The following NRROS variants were observed in gnomAD, a reference collection of about 807,000 sequenced individuals.
The protein encoded by NRROS is transforming growth factor beta activator LRRC33.
A neutral mutation model predicts 12.0 loss-of-function variants in NRROS; 6 were observed. That is an observed-to-expected ratio of 0.50 (90% confidence interval 0.27 to 0.98). The LOEUF is 0.98. Ranked by LOEUF, NRROS falls within the 50% of genes least tolerant of loss-of-function variation. The pLI is 0.11. For missense variants in NRROS, 857 were observed against 888.2 expected, an observed-to-expected ratio of 0.96 and a Z score of 0.45; for synonymous variants, 462 against 410.2, an observed-to-expected ratio of 1.13 and a Z score of -1.53.
At chr3:196,656,355 T>C (rs1342580347) in intron 2 of NRROS, among the ~76,000 whole-genome samples, 2 of 152,190 alleles carry the variant, frequency 1.3e-5, no homozygotes, top group African/African-American at 4.8e-5. Context: ...CTAGAGTCTA[T>C]TCCAATATGA....
intron 1 of NRROS, among the ~76,000 whole-genome samples, chr3:196,649,620 C>T (rs372034645): frequency 2.6e-4 from 40 of 152,166 alleles, no homozygotes; most frequent in African/African-American, 7.2e-4. Context: ...TACAGGCGCC[C>T]GCCACCGCGC....
At chr3:196,653,213 C>T in intron 1 of NRROS, among the ~76,000 whole-genome samples, 1 of 152,132 alleles carries the variant, frequency 6.6e-6, no homozygotes, top group Non-Finnish European at 1.5e-5. Flanking sequence ...CAGTGTCTGG[C>T]AAGTTCTGGT....
chr3:196,651,073 G>C (rs529471147), intron 1 of NRROS, among the ~76,000 whole-genome samples: 1 of 152,216 alleles, frequency 6.6e-6, no homozygotes, highest in African/African-American at 2.4e-5. Context: ...TCCTGTGCAT[G>C]CAGGGGATGA....
At chr3:196,652,184 A>G (rs1392225566) in intron 1 of NRROS, among the ~76,000 whole-genome samples, 1 of 152,194 alleles carries the variant, frequency 6.6e-6, no homozygotes, top group African/African-American at 2.4e-5. Flanking sequence ...TATGTTTTAC[A>G]TATCTAGTTG....
intron 2 of NRROS, among the ~76,000 whole-genome samples, chr3:196,656,226 A>G (rs1737535138): frequency 6.6e-6 from 1 of 152,220 alleles, no homozygotes; most frequent in Non-Finnish European, 1.5e-5. Context: ...CATATTATAT[A>G]CTAGGCGTTG....
At chr3:196,643,083 A>G (rs1036442130) in intron 1 of NRROS, among the ~76,000 whole-genome samples, 1 of 152,092 alleles carries the variant, frequency 6.6e-6, no homozygotes, top group Non-Finnish European at 1.5e-5. Flanking sequence ...CAAAAAAAAA[A>G]AAAAAAAGAT....
intron 2 of NRROS, among the ~76,000 whole-genome samples, chr3:196,658,132 G>T (rs1052954657): frequency 2.0e-4 from 30 of 152,220 alleles, no homozygotes; most frequent in Non-Finnish European, 8.8e-5. Flanking sequence ...TTCATGAGAT[G>T]AATGCATATG....
At position 196,659,784 on chromosome 3, in the gene NRROS, C is replaced by T. The variant is rs1737621333; in HGVS notation, c.141C>T (p.Ser47=). The part of the protein sequence containing the change: ...VGGAADCRGQ[S]LASVPSSLPP... ...GAGCCGCTGACTGCCGAGGGCAGAG[C>T]CTCGCTTCGGTGCCCAGCAGCCTCC... is the stretch of plus-strand genomic sequence containing the variant. The change falls in exon 3 of 3, where the codon AGC becomes AGT. Residue 47 remains serine (S), a synonymous_variant. Transcript: ENST00000328557. The T allele has an allele frequency of 6.2e-7, 1 of 1,612,646 alleles. No homozygotes were observed. Among genetic ancestry groups the T allele is most frequent in the East Asian group, 2.2e-5 (1 of 44,848 alleles).
At chr3:196,657,033 G>A (rs1282215256) in intron 2 of NRROS, among the ~76,000 whole-genome samples, 3 of 151,762 alleles carry the variant, frequency 2.0e-5, no homozygotes, top group African/African-American at 4.8e-5. Flanking sequence ...GTGAAAGCCC[G>A]TCTCTACTAA....
chr3:196,651,665 G>A (rs544264981), intron 1 of NRROS, among the ~76,000 whole-genome samples: 2 of 152,276 alleles, frequency 1.3e-5, no homozygotes, highest in South Asian at 2.1e-4. Flanking sequence ...TACTTGGGAG[G>A]CTGAGGCAGG....
chr3:196,660,724 C>G lies in NRROS; in HGVS notation c.1081C>G (p.Gln361Glu). Residue 361 changes from glutamine to glutamate, a missense_variant, in exon 3 of 3, where the codon CAG becomes GAG. Transcript: ENST00000328557. The surrounding 1 kb of genome is among the most constrained non-coding windows in gnomAD (Gnocchi z 7.7). ...MPSLSHLNLHQNCLMTLHIRE... is the reference protein window; with the variant it reads ...MPSLSHLNLHENCLMTLHIRE... The stretch of plus-strand genomic sequence containing the variant: ...TTCCCTCTCCCACCTGAACCTCCAC[C>G]AGAATTGCCTGATGACGCTTCACAT... 1.2e-6 allele frequency: 2 copies of G among 1,614,170 alleles called. No homozygotes were observed. Among genetic ancestry groups the G allele is most frequent in the Non-Finnish European group, 1.7e-6 (2 of 1,180,032 alleles).
rs758350356 is a variant in NRROS, at chr3:196,661,650, C to T, written c.2007C>T (p.Val669=). 5 of 1,609,196 alleles carry T rather than the reference C, an allele frequency of 3.1e-6. No homozygotes were observed. The highest frequency in any genetic ancestry group is 3.4e-6 in the Non-Finnish European group (4 of 1,179,930). ...TCACCCTGCTGGTGGCCTGCACTGT[C>T]ATCGTCCTCACTTTTAAGAAGCCTC... The part of the protein sequence containing the change: ...SCLTLLVACT[V]IVLTFKKPLL... Residue 669 remains valine, a synonymous_variant, in exon 3 of 3, where the codon GTC becomes GTT. Transcript: ENST00000328557.
Position 196,661,789 on chromosome 3 carries a change from A to C in NRROS, c.*67A>C. 7.2e-7 allele frequency: 1 copy of C among 1,381,982 alleles called. No homozygotes were observed. Among genetic ancestry groups the C allele is most frequent in the Non-Finnish European group, 9.8e-7 (1 of 1,020,818 alleles). 85.6% of individuals were successfully genotyped at this position (1,381,982 alleles called of 1,614,324 possible). A position where few individuals can be genotyped will look rare whatever the true frequency, so the allele number is the denominator to read the frequency against. On this transcript the variant is annotated 3_prime_UTR_variant, in exon 3 of 3. Coordinates refer to ENST00000328557, the MANE Select transcript of NRROS (RefSeq NM_198565.3). ...CAGGACACTTTCTCTGCCAGCTTTC[A>C]AGATGTGATGCAGAGGCCAAGTCTG... is the stretch of plus-strand genomic sequence containing the variant.
chr3:196,645,894 T>C lies in NRROS; in HGVS notation c.-14+6019T>C, dbSNP rs183859202. 4.8e-3 allele frequency among the ~76,000 whole-genome samples: 730 copies of C among 152,282 alleles called. 6 individuals are homozygous for C. The highest frequency in any genetic ancestry group is 8.9e-3 in the Non-Finnish European group (606 of 68,004). On this transcript the variant is annotated intron_variant, in intron 1 of 2. Transcript: ENST00000328557. ...GACGAAAGCTCCTTCTCCTTCACTG[T>C]ATTTCCCTCAACACCAGCTTGCTGT...
chr3:196,650,254 C>T (rs1029156440), intron 1 of NRROS, among the ~76,000 whole-genome samples: 2 of 152,216 alleles, frequency 1.3e-5, no homozygotes, highest in African/African-American at 4.8e-5. Flanking sequence ...TTCGATTGTC[C>T]TGCCTCAGCC....
intron 1 of NRROS, among the ~76,000 whole-genome samples, chr3:196,649,706 C>T (rs1368591270): frequency 1.3e-5 from 2 of 152,256 alleles, no homozygotes; most frequent in African/African-American, 2.4e-5. Context: ...CTCCTGACCT[C>T]GTGATCACCC....
At chr3:196,649,761 C>T (rs1054932608) in intron 1 of NRROS, among the ~76,000 whole-genome samples, 5 of 152,224 alleles carry the variant, frequency 3.3e-5, no homozygotes, top group African/African-American at 2.4e-5. Flanking sequence ...TGAGCCACTG[C>T]GCCCGGCCAA....
intron 1 of NRROS, among the ~76,000 whole-genome samples, chr3:196,643,102 T>G (rs1737240725): frequency 6.6e-6 from 1 of 151,860 alleles, no homozygotes; most frequent in South Asian, 2.1e-4. Context: ...ATAATCGCTT[T>G]CATGTTTTGT....
rs770775498 is a variant in NRROS at position 196,660,514 on chromosome 3, T to C, written c.871T>C (p.Tyr291His). 12 of 1,614,104 alleles carry C rather than the reference T, an allele frequency of 7.4e-6. No homozygotes were observed. The South Asian group carries it at 9.9e-5, about 13-fold the overall frequency. The change falls in exon 3 of 3, where the codon TAC becomes CAC. Residue 291 changes from tyrosine (Y) to histidine (H), a missense_variant. Physicochemically the swap from Tyr to His is moderately conservative, Grantham distance 83. Coordinates refer to ENST00000328557, the MANE Select transcript of NRROS (RefSeq NM_198565.3). The surrounding 1 kb of genome is among the most constrained non-coding windows in gnomAD (Gnocchi z 7.7). ...DNNMGFYRDL[Y>H]NTSSPREMVA... ...CAACATGGGCTTCTACCGGGACCTG[T>C]ACAACACCTCGTCGCCGAGGGAGAT...
Sources: gnomAD v4.1 joint callset for allele counts (sites outside exome capture counted in the v4.1 genomes callset) on GRCh38, gnomAD v4.1.1 for gene constraint, Gnocchi (gnomAD v3.1) non-coding constraint, MANE v1.5 for transcripts, NCBI Gene and HGNC (gene_info 2026-07-23, HGNC 2026-07-21) for gene names.